The following CPA6 variants were observed in gnomAD, a reference collection of about 807,000 sequenced individuals.
CPA6 encodes the protein carboxypeptidase A6, also known as carboxypeptidase B.
Under a neutral mutation model 63.3 loss-of-function variants are expected in CPA6, and 58 were observed. That is an observed-to-expected ratio of 0.92 (90% CI 0.74 to 1.14). The LOEUF (loss-of-function observed/expected upper bound fraction) is 1.14, where lower values mean the gene tolerates loss of function less well. CPA6 is among the 50% of genes most tolerant of loss of function. The pLI is 0.00. For synonymous variants in CPA6, 185 were observed against 179.0 expected (o/e 1.03, Z -0.27); for missense variants, 565 against 526.6 (o/e 1.07, Z -0.71).
intron 1 of CPA6, among the ~76,000 whole-genome samples, chr8:67,703,185 T>C (rs1817061088): frequency 6.6e-6 from 1 of 152,214 alleles, no homozygotes; most frequent in Admixed American, 6.5e-5. Context: ...AGTTTCTTTC[T>C]TGACTTTCAC....
chr8:67,715,370 A>G (rs779660874), intron 1 of CPA6, among the ~76,000 whole-genome samples: 3 of 152,234 alleles, frequency 2.0e-5, no homozygotes, highest in Non-Finnish European at 2.9e-5. Context: ...TCACGAAGTC[A>G]CTTTACTGCT....
At chr8:67,574,249 G>A (rs541574739) in intron 2 of CPA6, among the ~76,000 whole-genome samples, 23 of 151,686 alleles carry the variant, frequency 1.5e-4, no homozygotes, top group Admixed American at 5.2e-4. Flanking sequence ...ATGGTGGCAC[G>A]AGAGTAATCC....
At chr8:67,567,425 C>A (rs1179204140) in intron 2 of CPA6, among the ~76,000 whole-genome samples, 1 of 152,164 alleles carries the variant, frequency 6.6e-6, no homozygotes, top group African/African-American at 2.4e-5. Flanking sequence ...CATTGACTTA[C>A]CAATGAATAA....
chr8:67,457,481 T>C (rs1810701713), intron 8 of CPA6, among the ~76,000 whole-genome samples: 1 of 152,114 alleles, frequency 6.6e-6, no homozygotes, highest in African/African-American at 2.4e-5. Context: ...TCTGATCCCT[T>C]CCTCTTTCCT....
At chr8:67,461,791 G>T (rs936703018) in intron 8 of CPA6, among the ~76,000 whole-genome samples, 1 of 151,970 alleles carries the variant, frequency 6.6e-6, no homozygotes, top group African/African-American at 2.4e-5. Context: ...CTCACCTCCC[G>T]GACGGGGCGG....
intron 1 of CPA6, among the ~76,000 whole-genome samples, chr8:67,684,824 T>TA (rs1246340195): frequency 6.6e-6 from 1 of 152,170 alleles, no homozygotes; most frequent in African/African-American, 2.4e-5. Context: ...ATCAGTCTTC[T>TA]TATTCTCTAT....
chr8:67,482,878 G>T (rs1811388610), intron 8 of CPA6, among the ~76,000 whole-genome samples: 1 of 152,158 alleles, frequency 6.6e-6, no homozygotes, highest in African/African-American at 2.4e-5. Flanking sequence ...ATTGACTGAA[G>T]CCTCTTGCTT....
At chr8:67,523,668 T>C (rs1812305221) in intron 2 of CPA6, among the ~76,000 whole-genome samples, 1 of 152,256 alleles carries the variant, frequency 6.6e-6, no homozygotes, top group South Asian at 2.1e-4. Context: ...TCATGGCTCT[T>C]GGTTCTTGTG....
chr8:67,547,511 T>C (rs897272095), intron 2 of CPA6, among the ~76,000 whole-genome samples: 2 of 151,858 alleles, frequency 1.3e-5, no homozygotes, highest in Non-Finnish European at 2.9e-5. Flanking sequence ...TTTTTTTTTT[T>C]TTTTTAGACA....
In CPA6 at chr8:67,568,076, T is replaced by C. The variant is rs557904754; in HGVS notation, c.193-50029A>G. On this transcript the variant is annotated intron_variant, in intron 2 of 10. Transcript: ENST00000297770. ...GAGCAGCTCAGGCTTCTAGATAACC[T>C]GAAAGCAAACTCTGTCTGCCCGGGG... 2.0e-5 allele frequency among the ~76,000 whole-genome samples: 3 copies of C among 152,218 alleles called. No individual in the cohort carries two copies. The East Asian group carries it at 5.8e-4, about 29-fold the overall frequency.
At position 67,511,643 on chromosome 8, in the gene CPA6, T is replaced by C; in HGVS notation, c.330A>G (p.Glu110=). The change falls in exon 4 of 11, where the codon GAA becomes GAG. Residue 110 remains glutamate (E), a synonymous_variant. Transcript: ENST00000297770. The part of the protein sequence containing the change: ...EANIQYKVLI[E]DLQKTLEKGS... ...CCTTCTCCAGTGTTTTCTGAAGATC[T>C]TCTATGAGGACCCTGAATTTGGAAT... is the stretch of plus-strand genomic sequence containing the variant. The C allele has an allele frequency of 6.3e-7, 1 of 1,598,896 alleles. No individual in the cohort carries two copies. The highest frequency in any genetic ancestry group is 8.6e-7 in the Non-Finnish European group (1 of 1,166,442).
intron 2 of CPA6, among the ~76,000 whole-genome samples, chr8:67,521,508 T>C (rs1169919975): frequency 6.6e-6 from 1 of 152,240 alleles, no homozygotes; most frequent in Non-Finnish European, 1.5e-5. Context: ...GGTCACATAG[T>C]AGGAGCTCAA....
intron 2 of CPA6, among the ~76,000 whole-genome samples, chr8:67,539,297 T>C (rs57945383): frequency 1.3e-3 from 203 of 152,342 alleles, no homozygotes; most frequent in African/African-American, 4.6e-3. Context: ...TTGAAAATTC[T>C]TTTCTTTAAG....
chr8:67,471,977 T>C (rs1811069121), intron 8 of CPA6, among the ~76,000 whole-genome samples: 1 of 152,166 alleles, frequency 6.6e-6, no homozygotes, highest in Non-Finnish European at 1.5e-5. Flanking sequence ...AAAAATAGCA[T>C]GACTTCTCAA....
At chr8:67,449,919 G>A (rs1009942317) in intron 8 of CPA6, among the ~76,000 whole-genome samples, 5 of 150,490 alleles carry the variant, frequency 3.3e-5, no homozygotes, top group African/African-American at 9.8e-5. Context: ...GGGTTCAAGC[G>A]ATTCTCATGC....
intron 2 of CPA6, among the ~76,000 whole-genome samples, chr8:67,536,087 A>G (rs539352391): frequency 2.0e-5 from 3 of 151,496 alleles, no homozygotes; most frequent in East Asian, 2.0e-4. Context: ...TACCAGTACC[A>G]TACTACTGTA....
At chr8:67,731,470 T>A (rs1817703889) in intron 1 of CPA6, among the ~76,000 whole-genome samples, 2 of 152,236 alleles carry the variant, frequency 1.3e-5, no homozygotes, top group Admixed American at 6.5e-5. Flanking sequence ...TCACACCACC[T>A]CTGTCTGAAT....
chr8:67,507,444 T>G (rs1351629809), intron 5 of CPA6, among the ~76,000 whole-genome samples: 10 of 152,156 alleles, frequency 6.6e-5, no homozygotes, highest in Non-Finnish European at 1.5e-4. Flanking sequence ...TAGAATCAAG[T>G]GGTAGATTTT....
intron 1 of CPA6, among the ~76,000 whole-genome samples, chr8:67,652,850 T>C (rs1373390394): frequency 2.0e-5 from 3 of 151,646 alleles, no homozygotes; most frequent in African/African-American, 4.8e-5. Context: ...CTAGGTTTTC[T>C]TCTAGGGTTT....
Sources: gnomAD v4.1 joint callset for allele counts (sites outside exome capture counted in the v4.1 genomes callset) on GRCh38, gnomAD v4.1.1 for gene constraint, MANE v1.5 for transcripts, NCBI Gene and HGNC (gene_info 2026-07-23, HGNC 2026-07-21) for gene names.